TRIM2: variants seen among roughly 807,000 people sequenced by gnomAD.
TRIM2 encodes tripartite motif containing 2.
In TRIM2, 20 loss-of-function variants were observed where a neutral mutation model predicts 75.2. The observed-to-expected ratio is 0.27, with a 90% CI of 0.19 to 0.39. The LOEUF is 0.39. TRIM2 is among the 10% of genes least tolerant of loss of function. The probability of loss-of-function intolerance (pLI) is 1.00; values close to 1 mark genes in which losing one functional copy is unlikely to be tolerated. For synonymous variants in TRIM2, 373 were observed against 388.3 expected, an observed-to-expected ratio of 0.96 and a Z score of 0.46; for missense variants, 660 against 990.8, an observed-to-expected ratio of 0.67 and a Z score of 4.48.
intron 3 of TRIM2, among the ~76,000 whole-genome samples, chr4:153,281,399 TA>T (rs1399246343): frequency 9.2e-5 from 14 of 152,324 alleles, no homozygotes; most frequent in Middle Eastern, 3.4e-3. Flanking sequence ...TGTGCAACAT[TA>T]GGGGGCAAGA....
At chr4:153,205,995 T>G (rs72963198) in intron 1 of TRIM2, among the ~76,000 whole-genome samples, 7,680 of 152,274 alleles carry the variant, frequency 0.05, 574 homozygotes, top group African/African-American at 0.17. Context: ...GCCAGTGAAC[T>G]TTTGACTCTC....
chr4:153,258,130 C>T (rs1486464344), intron 1 of TRIM2, among the ~76,000 whole-genome samples: 1 of 151,976 alleles, frequency 6.6e-6, no homozygotes, highest in African/African-American at 2.4e-5. Context: ...CCTCGCTGCC[C>T]CAGGGTAGAG....
At chr4:153,255,652 A>G (rs1404125085) in intron 1 of TRIM2, among the ~76,000 whole-genome samples, 1 of 152,230 alleles carries the variant, frequency 6.6e-6, no homozygotes, top group African/African-American at 2.4e-5. Flanking sequence ...TTGTGCACAA[A>G]TGTTTATAGC....
chr4:153,272,630 G>A (rs1392884223), intron 2 of TRIM2, among the ~76,000 whole-genome samples: 2 of 151,764 alleles, frequency 1.3e-5, no homozygotes, highest in African/African-American at 4.8e-5. Flanking sequence ...GGGACCACAG[G>A]TGCACACCAC....
At chr4:153,181,122 A>G (rs967313628) in intron 1 of TRIM2, among the ~76,000 whole-genome samples, 1 of 152,218 alleles carries the variant, frequency 6.6e-6, no homozygotes, top group Non-Finnish European at 1.5e-5. Context: ...ATGAGCTGGC[A>G]TGATTCTAAG....
chr4:153,220,051 G>A (rs1739538406), intron 1 of TRIM2, among the ~76,000 whole-genome samples: 1 of 152,182 alleles, frequency 6.6e-6, no homozygotes, highest in Non-Finnish European at 1.5e-5. Flanking sequence ...TGTGGCTATG[G>A]CAATGTAATT....
intron 1 of TRIM2, among the ~76,000 whole-genome samples, chr4:153,253,850 G>A (rs1751425599): frequency 1.3e-5 from 2 of 152,206 alleles, no homozygotes. Context: ...TCCACCCCTT[G>A]TTTAGCATAT....
chr4:153,157,475 T>C (rs1170246861), intron 1 of TRIM2, among the ~76,000 whole-genome samples: 1 of 152,026 alleles, frequency 6.6e-6, no homozygotes, highest in East Asian at 1.9e-4. Flanking sequence ...GATCCAGCTG[T>C]TTGGTTGGAT....
intron 1 of TRIM2, among the ~76,000 whole-genome samples, chr4:153,171,349 G>C (rs978874200): frequency 1.3e-5 from 2 of 152,224 alleles, no homozygotes; most frequent in African/African-American, 4.8e-5. Flanking sequence ...AATCTGGGAG[G>C]CTGAGGCAGG....
intron 6 of TRIM2, among the ~76,000 whole-genome samples, chr4:153,314,192 G>A (rs879403348): frequency 2.1e-5 from 3 of 144,626 alleles, no homozygotes; most frequent in South Asian, 2.1e-4. Context: ...TAGCCGAGGC[G>A]GGCGGATCAC....
chr4:153,287,042 G>C (rs1245419144), intron 3 of TRIM2, among the ~76,000 whole-genome samples: 1 of 151,710 alleles, frequency 6.6e-6, no homozygotes, highest in Non-Finnish European at 1.5e-5. Context: ...ACAGTGGCAT[G>C]ATCATAGCTC....
At position 153,295,741 on chromosome 4, in the gene TRIM2, C is replaced by T. The variant is rs773883569; in HGVS notation, c.1215C>T (p.Asp405=). The change falls in exon 6 of 12, where the codon GAC becomes GAT. Residue 405 remains aspartate (D), a synonymous_variant. Transcript: ENST00000338700. The surrounding 1 kb of genome is among the most constrained non-coding windows in gnomAD (Gnocchi z 7.2). ...ELSTPDGSVA[D]GEILDNKNGT... Reference sequence around the variant, plus strand: ...GCACCCCCGACGGGAGCGTGGCAGACGGGGAGATCCTGGACAACAAGAACG... The same window carrying T: ...GCACCCCCGACGGGAGCGTGGCAGATGGGGAGATCCTGGACAACAAGAACG... The T allele has an allele frequency of 1.5e-5, 24 of 1,613,778 alleles. No homozygotes were observed. The highest frequency in any genetic ancestry group is 1.1e-4 in the African/African-American group (8 of 74,870).
At chr4:153,290,658 G>A (rs1333245241) in intron 3 of TRIM2, among the ~76,000 whole-genome samples, 1 of 152,118 alleles carries the variant, frequency 6.6e-6, no homozygotes, top group Non-Finnish European at 1.5e-5. Context: ...ATAGGATCTT[G>A]CTCCGATACC....
At chr4:153,328,788 T>G in intron 11 of TRIM2, 118 bp downstream of exon 11, 2 of 1,138,500 alleles carry the variant, frequency 1.8e-6, no homozygotes, top group Non-Finnish European at 2.4e-6. Context: ...CATAGAACCA[T>G]AGATACTCTC....
intron 1 of TRIM2, among the ~76,000 whole-genome samples, chr4:153,238,765 G>T (rs1018744213): frequency 6.6e-6 from 1 of 152,180 alleles, no homozygotes; most frequent in African/African-American, 2.4e-5. Context: ...TTGGGTCATG[G>T]AATTGCAGCA....
chr4:153,166,324 C>T lies in TRIM2; in HGVS notation c.-49+13054C>T, dbSNP rs1024362346. On this transcript the variant is annotated intron_variant, in intron 1 of 11. Transcript: ENST00000437508. ...GTCTAGTGATCTCTGACTGTCCATT[C>T]GTATTTAAGAGTGAGGTTCTATAAC... Among the ~76,000 whole-genome samples the T allele has an allele frequency of 1.3e-4, 20 of 152,174 alleles. 1 individual carries two copies. In the South Asian group the frequency reaches 3.5e-3, roughly 27 times the overall value.
Position 153,263,540 on chromosome 4 carries a change from T to G in TRIM2, c.31-6795T>G, listed in dbSNP as rs141645292. 1.5e-3 allele frequency among the ~76,000 whole-genome samples: 228 copies of G among 152,338 alleles called. 2 individuals are homozygous for G. Among genetic ancestry groups the G allele is most frequent in the Admixed American group, 5.0e-3 (76 of 15,304 alleles). On this transcript the variant is annotated intron_variant, in intron 1 of 11. Transcript: ENST00000338700. The stretch of plus-strand genomic sequence containing the variant: ...AATGTCTACTATGTACCAGGACACT[T>G]CTAGGTGCTGGAACTACTGCAGTGA...
chr4:153,276,381 G>C, intron 3 of TRIM2: 1 of 526,778 alleles, frequency 1.9e-6, no homozygotes. Context: ...CAAACCAGTA[G>C]CTATTTGCAA....
At chr4:153,202,188 G>A (rs559365573), upstream of TRIM2, among the ~76,000 whole-genome samples, 33 of 152,206 alleles carry the variant, frequency 2.2e-4, no homozygotes, top group Admixed American at 5.2e-4. Flanking sequence ...AAAAGTTTGC[G>A]GAAAATAAAT....
Sources: gnomAD v4.1 joint callset for allele counts (sites outside exome capture counted in the v4.1 genomes callset) on GRCh38, gnomAD v4.1.1 for gene constraint, Gnocchi (gnomAD v3.1) non-coding constraint, MANE v1.5 for transcripts, NCBI Gene and HGNC (gene_info 2026-07-23, HGNC 2026-07-21) for gene names.